XDH: variants seen among roughly 807,000 people sequenced by gnomAD.
XDH encodes the protein xanthine dehydrogenase/oxidase.
A neutral mutation model predicts 156.1 loss-of-function variants in XDH; 138 were observed. That is an observed-to-expected ratio of 0.88 (90% CI 0.77 to 1.02). The LOEUF (loss-of-function observed/expected upper bound fraction) is 1.02, where lower values mean the gene tolerates loss of function less well. Ranked by LOEUF, XDH falls within the 50% of genes least tolerant of loss-of-function variation. The pLI is 0.00. For missense variants in XDH, 1,849 were observed against 1,684.9 expected (o/e 1.10, Z -1.71); for synonymous variants, 669 against 625.7 (o/e 1.07, Z -1.03).
chr2:31,391,868 G>T lies in XDH; in HGVS notation c.496-3573C>A, dbSNP rs1040842519. Among the ~76,000 whole-genome samples, 7 of 152,344 alleles carry T rather than the reference G, an allele frequency of 4.6e-5. No homozygotes were observed. The East Asian group carries it at 1.3e-3, about 29-fold the overall frequency. ...GCCTCTGATTCTATCTTCTGGAAGA[G>T]ATTGTGGAGAATTGACATAATTTCT... On this transcript the variant is annotated intron_variant, in intron 6 of 35. Coordinates refer to ENST00000379416, the MANE Select transcript of XDH (RefSeq NM_000379.4).
rs1684941280 is a variant in XDH, at chr2:31,335,162, T to C, written c.*796A>G. ...CTGGGATTATAGGGGTGAGCCACCATGCCAGGACTGATAGCATCATTTCTA... is the reference window on the plus strand; with the variant it reads ...CTGGGATTATAGGGGTGAGCCACCACGCCAGGACTGATAGCATCATTTCTA... On this transcript the variant is annotated 3_prime_UTR_variant, in exon 36 of 36. Transcript: ENST00000379416. The C allele has an allele frequency of 6.6e-6, 1 of 152,660 alleles. No homozygotes were observed. Among genetic ancestry groups the C allele is most frequent in the African/African-American group, 2.4e-5 (1 of 41,438 alleles). The allele number at this position is 152,660 out of a possible 1,614,324, so 9.5% of individuals were successfully genotyped here. A position where few individuals can be genotyped will look rare whatever the true frequency, so the allele number is the denominator to read the frequency against.
chr2:31,355,594 C>T (rs1410765625), intron 24 of XDH, among the ~76,000 whole-genome samples: 1 of 151,884 alleles, frequency 6.6e-6, no homozygotes, highest in African/African-American at 2.4e-5. Flanking sequence ...GTATATATAA[C>T]ATAATACCTT....
rs1558695850 is a variant in XDH at position 31,377,143 on chromosome 2, G to GT, written c.1336dup (p.Thr446AsnfsTer93). 6.2e-7 allele frequency: 1 copy of GT among 1,614,132 alleles called. No homozygotes were observed. Among genetic ancestry groups the GT allele is most frequent in the Admixed American group, 1.7e-5 (1 of 60,018 alleles). ...AAGGGCCAGCTCCTGTACCTCTGTG[G>GT]TTCCTGGCTTGAATAAAACTCTCAT... On this transcript the variant is annotated frameshift_variant, in exon 14 of 36. Transcript: ENST00000379416. LOFTEE classifies it high-confidence loss of function.
intron 29 of XDH, among the ~76,000 whole-genome samples, chr2:31,347,197 T>C (rs1685322463): frequency 6.6e-6 from 1 of 152,186 alleles, no homozygotes; most frequent in Non-Finnish European, 1.5e-5. Context: ...CCTGCCTCTA[T>C]AATCAAATTT....
At chr2:31,346,730 T>A (rs1160529881) in intron 30 of XDH, 39 bp downstream of exon 30, 16 of 1,613,128 alleles carry the variant, frequency 9.9e-6, no homozygotes, top group Non-Finnish European at 1.3e-5. Context: ...TCAATTTCCC[T>A]CTCCTTTGCA....
intron 8 of XDH, among the ~76,000 whole-genome samples, chr2:31,387,028 GAAGGAAGGAAGGAAGGAGT>G (rs1572555018): frequency 2.2e-4 from 28 of 125,310 alleles, no homozygotes; most frequent in Non-Finnish European, 2.9e-4. Context: ...AGGAAGGAAG[GAAGGAAGGAAGGAAGGAGT>G]TTGTTATAAG....
Position 31,365,478 on chromosome 2 carries a change from A to G in XDH, c.2523T>C (p.His841=). 1 of 1,614,134 alleles carries G rather than the reference A, an allele frequency of 6.2e-7. No homozygotes were observed. Among genetic ancestry groups the G allele is most frequent in the Non-Finnish European group, 8.5e-7 (1 of 1,180,022 alleles). ...GAACCTTGTATCTGGCCAGGAAGGG[A>G]TGTCTGCCACCAGTTATCAGCATGT... ...DEDMLITGGR[H]PFLARYKVGF... is the part of the protein sequence containing the mutation. The change falls in exon 23 of 36, where the codon CAT becomes CAC. Residue 841 remains histidine (H), a synonymous_variant. Coordinates refer to ENST00000379416, the MANE Select transcript of XDH (RefSeq NM_000379.4).
intron 6 of XDH, among the ~76,000 whole-genome samples, chr2:31,395,420 C>T (rs1017202025): frequency 1.1e-4 from 16 of 152,072 alleles, no homozygotes; most frequent in East Asian, 1.9e-4. Flanking sequence ...GTTTAGGCTG[C>T]GGTAAAATAA....
At chr2:31,386,366 C>A (rs759201165) in intron 9 of XDH, 48 bp downstream of exon 9, 1 of 1,604,922 alleles carries the variant, frequency 6.2e-7, no homozygotes, top group Non-Finnish European at 8.5e-7. Context: ...GACCTAGAAA[C>A]ACCCCCAGAC....
intron 26 of XDH, 44 bp from the exon 27 acceptor site, chr2:31,349,024 T>G (rs1685380239): frequency 6.4e-6 from 10 of 1,566,042 alleles, no homozygotes; most frequent in Non-Finnish European, 7.9e-6. Flanking sequence ...GCTATCATAT[T>G]GAGGACATGA....
chr2:31,414,427 T>C (rs1687421629), intron 1 of XDH, among the ~76,000 whole-genome samples, 198 bp downstream of exon 1: 1 of 151,662 alleles, frequency 6.6e-6, no homozygotes, highest in Admixed American at 6.6e-5. Context: ...TCTGAGTATC[T>C]TGTCTGTGCT....
intron 5 of XDH, 62 bp downstream of exon 5, chr2:31,398,511 C>T (rs1686971771): frequency 1.2e-6 from 2 of 1,610,370 alleles, no homozygotes; most frequent in East Asian, 2.2e-5. Context: ...TGGCACTTGC[C>T]CTGACCTCTG....
intron 13 of XDH, among the ~76,000 whole-genome samples, chr2:31,379,367 C>T (rs1485307218): frequency 3.3e-5 from 5 of 152,206 alleles, no homozygotes; most frequent in Non-Finnish European, 4.4e-5. Context: ...GCAGCTTCTT[C>T]ATGCAGCACA....
intron 6 of XDH, among the ~76,000 whole-genome samples, chr2:31,388,939 T>A (rs45583131): frequency 6.6e-6 from 1 of 152,164 alleles, no homozygotes; most frequent in African/African-American, 2.4e-5. Flanking sequence ...GCTCAGGACC[T>A]CTTAGGATAC....
chr2:31,341,428 G>A, intron 32 of XDH, 34 bp from the exon 33 acceptor site: 1 of 1,552,604 alleles, frequency 6.4e-7, no homozygotes, highest in Non-Finnish European at 8.7e-7. Context: ...AGAAGTTAGA[G>A]GAGGAAAAGA....
intron 24 of XDH, among the ~76,000 whole-genome samples, chr2:31,358,033 G>A (rs919625173): frequency 4.0e-5 from 6 of 151,316 alleles, no homozygotes; most frequent in African/African-American, 1.2e-4. Context: ...ACAGATCAAC[G>A]AGACAGAAAG....
In XDH at chr2:31,372,112, G is replaced by T; in HGVS notation, c.1856+116C>A. ...CCTCTCTCTAGCCTGGGAGGTCCTG[G>T]AGGCACCTCATTATCTTTGCATCTC... On this transcript the variant is annotated intron_variant, in intron 17 of 35. Transcript: ENST00000379416. 4 of 1,494,784 alleles carry T rather than the reference G, an allele frequency of 2.7e-6. No individual in the cohort carries two copies. The South Asian group carries it at 3.4e-5, about 13-fold the overall frequency. The allele number at this position is 1,494,784 out of a possible 1,614,324, so 92.6% of individuals were successfully genotyped here. A position where few individuals can be genotyped will look rare whatever the true frequency, so the allele number is the denominator to read the frequency against.
chr2:31,335,700 T>C lies in XDH; in HGVS notation c.*258A>G. On this transcript the variant is annotated 3_prime_UTR_variant, in exon 36 of 36. Coordinates refer to ENST00000379416, the MANE Select transcript of XDH (RefSeq NM_000379.4). ...TCCCGACCCTATTCCAGATACATGA[T>C]TAAAACAGACAGAAAATGATCCTAA... 3.4e-6 allele frequency: 2 copies of C among 587,204 alleles called. No individual in the cohort carries two copies. Among genetic ancestry groups the C allele is most frequent in the Admixed American group, 5.6e-5 (2 of 36,026 alleles). The allele number at this position is 587,204 out of a possible 1,614,324, so 36.4% of individuals were successfully genotyped here.
chr2:31,383,266 C>G, intron 10 of XDH, 114 bp from the exon 11 acceptor site: 4 of 1,523,474 alleles, frequency 2.6e-6, no homozygotes, highest in Non-Finnish European at 2.7e-6. Context: ...TCAGGACTCA[C>G]AGCTTTCCAT....
Sources: gnomAD v4.1 joint callset for allele counts (sites outside exome capture counted in the v4.1 genomes callset) on GRCh38, gnomAD v4.1.1 for gene constraint, MANE v1.5 for transcripts, NCBI Gene and HGNC (gene_info 2026-07-23, HGNC 2026-07-21) for gene names.